The following RNGTT variants were observed in gnomAD, a reference collection of about 807,000 sequenced individuals.
RNGTT encodes the protein RNA guanylyltransferase and 5'-phosphatase, also known as mRNA-capping enzyme.
In RNGTT, 33 loss-of-function variants were observed where a neutral mutation model predicts 79.3. That is an observed-to-expected ratio of 0.42 (90% CI 0.32 to 0.56). The LOEUF (loss-of-function observed/expected upper bound fraction) is 0.56. Among genes scored for constraint, RNGTT ranks in the 20% least tolerant of loss-of-function variants. The pLI is 0.17. For synonymous variants in RNGTT, 222 were observed against 235.9 expected, an observed-to-expected ratio of 0.94 and a Z score of 0.54; for missense variants, 497 against 739.1, an observed-to-expected ratio of 0.67 and a Z score of 3.80.
chr6:88,866,749 A>C (rs1782179355), intron 8 of RNGTT, among the ~76,000 whole-genome samples: 1 of 152,208 alleles, frequency 6.6e-6, no homozygotes, highest in Admixed American at 6.5e-5. Flanking sequence ...ACACATCTTA[A>C]AGATTCAAAT....
At chr6:88,689,347 C>T (rs550465712) in intron 13 of RNGTT, among the ~76,000 whole-genome samples, 3 of 152,178 alleles carry the variant, frequency 2.0e-5, no homozygotes, top group Non-Finnish European at 4.4e-5. Context: ...CACCTATAAT[C>T]CCAGCACTTT....
At chr6:88,821,977 T>G (rs1456476181) in intron 11 of RNGTT, among the ~76,000 whole-genome samples, 1 of 151,030 alleles carries the variant, frequency 6.6e-6, no homozygotes, top group African/African-American at 2.4e-5. Context: ...GAAAAATAAA[T>G]AAGTTGAAAA....
At chr6:88,920,958 C>T (rs991160806) in intron 4 of RNGTT, among the ~76,000 whole-genome samples, 2 of 152,048 alleles carry the variant, frequency 1.3e-5, no homozygotes, top group African/African-American at 4.8e-5. Context: ...TTGGGCCTGC[C>T]AAATTTTGGA....
At chr6:88,766,441 T>C (rs1399237980) in intron 13 of RNGTT, among the ~76,000 whole-genome samples, 1 of 152,100 alleles carries the variant, frequency 6.6e-6, no homozygotes, top group African/African-American at 2.4e-5. Context: ...AAACAACAAA[T>C]AGCTCTCAGA....
chr6:88,716,759 C>T (rs990124966), intron 13 of RNGTT, among the ~76,000 whole-genome samples: 3 of 151,964 alleles, frequency 2.0e-5, no homozygotes, highest in African/African-American at 4.8e-5. Flanking sequence ...TAGATGGGAA[C>T]TGAACAATGA....
chr6:88,913,182 C>A (rs1783883362), intron 4 of RNGTT, among the ~76,000 whole-genome samples: 1 of 146,956 alleles, frequency 6.8e-6, no homozygotes. Flanking sequence ...TCCAGCCTGG[C>A]CAGTAGAGTG....
At chr6:88,876,899 A>AAT (rs1410485815) in intron 8 of RNGTT, among the ~76,000 whole-genome samples, 1 of 152,204 alleles carries the variant, frequency 6.6e-6, no homozygotes, top group Non-Finnish European at 1.5e-5. Context: ...AGATTTTGGT[A>AAT]ATAGGTAATA....
chr6:88,894,857 C>G (rs1048632433), intron 6 of RNGTT, among the ~76,000 whole-genome samples: 18 of 151,446 alleles, frequency 1.2e-4, no homozygotes, highest in Non-Finnish European at 2.2e-4. Context: ...GCTTGAGCCC[C>G]AGAGTTCAAG....
At chr6:88,912,013 G>T (rs1392738884) in intron 4 of RNGTT, among the ~76,000 whole-genome samples, 1 of 152,126 alleles carries the variant, frequency 6.6e-6, no homozygotes, top group Non-Finnish European at 1.5e-5. Context: ...AACCCAGGAG[G>T]TCGAGGCTGC....
chr6:88,663,330 G>A (rs1171145684), intron 14 of RNGTT, among the ~76,000 whole-genome samples: 1 of 152,164 alleles, frequency 6.6e-6, no homozygotes, highest in East Asian at 1.9e-4. Flanking sequence ...CATTAGAGGT[G>A]AGATGGCCAT....
At chr6:88,620,372 GAGTT>G (rs1164340654) in intron 14 of RNGTT, among the ~76,000 whole-genome samples, 1 of 152,130 alleles carries the variant, frequency 6.6e-6, no homozygotes, top group East Asian at 1.9e-4. Context: ...AATAAAATCA[GAGTT>G]AGTCATAGCT....
chr6:88,743,690 A>G (rs1000697049), intron 13 of RNGTT, among the ~76,000 whole-genome samples: 8 of 152,216 alleles, frequency 5.3e-5, no homozygotes, highest in Non-Finnish European at 7.3e-5. Context: ...TATTGTATGT[A>G]TATACCACAT....
rs553669297 is a variant in RNGTT at position 88,853,569 on chromosome 6, C to T, written c.1032+60G>A. 1.5e-4 allele frequency: 161 copies of T among 1,040,956 alleles called. No homozygotes were observed. In the East Asian group the frequency reaches 4.5e-3, roughly 29 times the overall value. 64.5% of individuals were successfully genotyped at this position (1,040,956 alleles called of 1,614,324 possible). ...CTTAACCAACAGAAATACACATTTA[C>T]TTACAAGGAAAAGAAAAATGGCAAT... On this transcript the variant is annotated intron_variant, in intron 9 of 15. Transcript: ENST00000369485.
At position 88,623,154 on chromosome 6, in the gene RNGTT, G is replaced by A. The variant is rs376958118; in HGVS notation, c.1507-8759C>T. On this transcript the variant is annotated intron_variant, in intron 14 of 15. Transcript: ENST00000369485. ...AAGTGGGAGTGCCAAGGGGAGGGGA[G>A]ACACACACACTTAAGACAGTGATTA... Among the ~76,000 whole-genome samples, 27 of 151,868 alleles carry A rather than the reference G, an allele frequency of 1.8e-4. No homozygotes were observed. The East Asian group carries it at 3.7e-3, about 21-fold the overall frequency.
At chr6:88,634,780 T>C (rs764983711) in intron 14 of RNGTT, among the ~76,000 whole-genome samples, 1 of 151,942 alleles carries the variant, frequency 6.6e-6, no homozygotes, top group Non-Finnish European at 1.5e-5. Context: ...ACTTAAAAAA[T>C]ATAAAAGATG....
intron 13 of RNGTT, among the ~76,000 whole-genome samples, chr6:88,700,791 T>A (rs1289565732): frequency 4.6e-5 from 7 of 152,132 alleles, no homozygotes; most frequent in Non-Finnish European, 8.8e-5. Context: ...CTATTTAGCC[T>A]CAGTATTTTT....
intron 1 of RNGTT, among the ~76,000 whole-genome samples, chr6:88,953,088 C>T (rs545364084): frequency 6.6e-6 from 1 of 152,266 alleles, no homozygotes; most frequent in East Asian, 1.9e-4. Context: ...AAAAATCATA[C>T]TAGCTCCCCA....
chr6:88,711,491 T>C (rs1582367337), intron 13 of RNGTT, among the ~76,000 whole-genome samples: 1 of 152,366 alleles, frequency 6.6e-6, no homozygotes, highest in Middle Eastern at 3.4e-3. Flanking sequence ...TACAGTTATA[T>C]AGACTCCCTT....
intron 12 of RNGTT, among the ~76,000 whole-genome samples, chr6:88,792,398 T>C (rs760983186): frequency 1.3e-5 from 2 of 152,110 alleles, no homozygotes; most frequent in Admixed American, 1.3e-4. Flanking sequence ...AAAAGGCTAT[T>C]TGAACTGGTA....
Sources: gnomAD v4.1 joint callset for allele counts (sites outside exome capture counted in the v4.1 genomes callset) on GRCh38, gnomAD v4.1.1 for gene constraint, MANE v1.5 for transcripts, NCBI Gene and HGNC (gene_info 2026-07-23, HGNC 2026-07-21) for gene names.